RTN4: variants seen among roughly 807,000 people sequenced by gnomAD.
The protein encoded by RTN4 is reticulon 4.
RTN4 carries 32 observed loss-of-function variants against 90.4 expected under a neutral mutation model. That is an observed-to-expected ratio of 0.35 (90% CI 0.27 to 0.48). RTN4 has a LOEUF of 0.48. Ranked by LOEUF, RTN4 falls within the 20% of genes least tolerant of loss-of-function variation. The pLI is 0.99. For synonymous variants in RTN4, 629 were observed against 552.5 expected (o/e 1.14, Z -1.94); for missense variants, 1,706 against 1,430.2 (o/e 1.19, Z -3.11).
chr2:55,089,578 A>T (rs967959675), intron 1 of RTN4, among the ~76,000 whole-genome samples: 3 of 152,242 alleles, frequency 2.0e-5, no homozygotes, highest in African/African-American at 7.2e-5. Flanking sequence ...TGTACTTAAA[A>T]TTCAGCGTTT....
chr2:55,131,439 AT>A, the RTN4 span, among the ~76,000 whole-genome samples: 1 of 152,046 alleles, frequency 6.6e-6, no homozygotes, highest in African/African-American at 2.4e-5. Context: ...AACTCCTGGA[AT>A]CAAGTGATCC....
chr2:55,028,617 T>C (rs774835059), intron 1 of RTN4, among the ~76,000 whole-genome samples: 4 of 152,202 alleles, frequency 2.6e-5, no homozygotes, highest in Non-Finnish European at 5.9e-5. Flanking sequence ...TTGAATACAA[T>C]TAACAACTAC....
chr2:55,051,929 G>A (rs1033398081), upstream of RTN4, among the ~76,000 whole-genome samples: 2 of 151,968 alleles, frequency 1.3e-5, no homozygotes, highest in Admixed American at 6.6e-5. Context: ...ATTTCTTTTG[G>A]ACAGTGCTAG....
At chr2:55,102,848 GT>G (rs768014020) in intron 1 of RTN4, among the ~76,000 whole-genome samples, 1 of 152,152 alleles carries the variant, frequency 6.6e-6, no homozygotes, top group Non-Finnish European at 1.5e-5. Flanking sequence ...GCCGGGTGCG[GT>G]GGCTCACGCC....
In RTN4 at chr2:55,026,098, T is replaced by C. The variant is rs903087315; in HGVS notation, c.2001A>G (p.Leu667=). Residue 667 remains leucine, a synonymous_variant, in exon 3 of 9, where the codon CTA becomes CTG. Coordinates refer to ENST00000337526, the MANE Select transcript of RTN4 (RefSeq NM_020532.5). ...CTTCCTTTATTCCTGATACTTTTTT[T>C]AGTGATACACTCATGGCCTCTTCAT... ...PPYEEAMSVS[L]KKVSGIKEEI... 3.1e-6 allele frequency: 5 copies of C among 1,611,510 alleles called. No homozygotes were observed. Among genetic ancestry groups the C allele is most frequent in the Admixed American group, 1.7e-5 (1 of 59,406 alleles).
At chr2:55,053,700 A>AG (rs1341943188), upstream of RTN4, among the ~76,000 whole-genome samples, 1 of 151,002 alleles carries the variant, frequency 6.6e-6, no homozygotes, top group East Asian at 1.9e-4. Context: ...AAAAAACAAA[A>AG]AAAAAAAGAA....
At chr2:55,068,334 T>C (rs1668430452) in intron 2 of RTN4, among the ~76,000 whole-genome samples, 1 of 152,144 alleles carries the variant, frequency 6.6e-6, no homozygotes, top group South Asian at 2.1e-4. Context: ...ATTGAAAATA[T>C]CAGTACATAG....
intron 2 of RTN4, among the ~76,000 whole-genome samples, chr2:55,075,334 C>T (rs187753167): frequency 1.3e-5 from 2 of 152,116 alleles, no homozygotes; most frequent in Admixed American, 1.3e-4. Context: ...CAATTGTTGC[C>T]AAAAACAAAA....
At chr2:55,058,008 G>A (rs1668220780) in intron 2 of RTN4, among the ~76,000 whole-genome samples, 1 of 151,934 alleles carries the variant, frequency 6.6e-6, no homozygotes, top group Non-Finnish European at 1.5e-5. Flanking sequence ...AAATAATAGA[G>A]TAGTTCAGTG....
chr2:55,017,520 C>G (rs1681129423), intron 3 of RTN4, among the ~76,000 whole-genome samples: 1 of 152,048 alleles, frequency 6.6e-6, no homozygotes, highest in African/African-American at 2.4e-5. Context: ...CTTCACTTAC[C>G]AATAGTTCCA....
intron 2 of RTN4, 83 bp downstream of exon 2, chr2:55,028,081 C>G: frequency 8.4e-7 from 1 of 1,191,058 alleles, no homozygotes; most frequent in Non-Finnish European, 1.2e-6. Context: ...TTAGTAAACC[C>G]AAACTACTCT....
chr2:54,995,272 A>G (rs1679329108), intron 3 of RTN4, among the ~76,000 whole-genome samples: 1 of 152,142 alleles, frequency 6.6e-6, no homozygotes, highest in Non-Finnish European at 1.5e-5. Flanking sequence ...TAAAGACTCA[A>G]AACACTTCTA....
chr2:55,055,069 GT>G (rs1303857591), upstream of RTN4, among the ~76,000 whole-genome samples: 2 of 152,074 alleles, frequency 1.3e-5, no homozygotes, highest in Non-Finnish European at 2.9e-5. Flanking sequence ...TAATAAGCAA[GT>G]GAAAGTCATA....
chr2:55,003,789 C>T (rs1285423666), intron 3 of RTN4, among the ~76,000 whole-genome samples: 2 of 152,114 alleles, frequency 1.3e-5, no homozygotes, highest in South Asian at 2.1e-4. Context: ...ATAACAACTA[C>T]CTACATTGTA....
chr2:55,072,231 C>A (rs1020623257), intron 2 of RTN4, among the ~76,000 whole-genome samples: 7 of 75,818 alleles, frequency 9.2e-5, no homozygotes, highest in African/African-American at 2.6e-4. Flanking sequence ...ATTTTCTTTT[C>A]TTTTCTTTTT....
chr2:55,020,974 C>T (rs750811664), intron 3 of RTN4, among the ~76,000 whole-genome samples: 4 of 151,756 alleles, frequency 2.6e-5, no homozygotes, highest in South Asian at 2.1e-4. Flanking sequence ...TCAGCCTGGG[C>T]GACACAGCAA....
rs549038101 is a variant in RTN4, at chr2:54,980,480, A to ATTTT, written c.3360+2031_3360+2034dup. Among the ~76,000 whole-genome samples the ATTTT allele has an allele frequency of 4.3e-3, 655 of 152,352 alleles. 6 individuals are homozygous for ATTTT. The highest frequency in any genetic ancestry group is 0.015 in the African/African-American group (613 of 41,576). On this transcript the variant is annotated intron_variant, in intron 5 of 8. Transcript: ENST00000337526. ...AGCATAATGAATCATTCCCAGATCA[A>ATTTT]TTTTAAAAATAGATTTATTCAAGAA...
At chr2:54,987,914 T>A (rs906478893) in intron 3 of RTN4, among the ~76,000 whole-genome samples, 1 of 152,236 alleles carries the variant, frequency 6.6e-6, no homozygotes, top group Non-Finnish European at 1.5e-5. Flanking sequence ...CCACGAAATG[T>A]TTTTTATTCA....
chr2:55,119,661 T>C, the RTN4 span, among the ~76,000 whole-genome samples: 13 of 152,190 alleles, frequency 8.5e-5, 1 homozygote, highest in Admixed American at 7.2e-4. Flanking sequence ...ATGAAAGTAT[T>C]ACAGGGGGCA....
Sources: allele counts gnomAD v4.1 joint callset (sites outside exome capture counted in the v4.1 genomes callset), GRCh38; gene constraint gnomAD v4.1.1; transcripts MANE v1.5; gene names NCBI Gene and HGNC (gene_info 2026-07-23, HGNC 2026-07-21).